The following RIPOR3 variants were observed in gnomAD, a reference collection of about 807,000 sequenced individuals.
RIPOR3 encodes RIPOR family member 3.
RIPOR3 carries 95 observed loss-of-function variants against 114.3 expected under a neutral mutation model. The ratio of observed to expected loss-of-function variants is 0.83; its 90% CI spans 0.70 to 0.99. The LOEUF (loss-of-function observed/expected upper bound fraction) is 0.99. Among genes scored for constraint, RIPOR3 ranks in the 50% least tolerant of loss-of-function variants. RIPOR3 has a pLI of 0.00. For synonymous variants in RIPOR3, 575 were observed against 543.8 expected, an observed-to-expected ratio of 1.06 and a Z score of -0.80; for missense variants, 1,252 against 1,266.9, an observed-to-expected ratio of 0.99 and a Z score of 0.18.
At chr20:50,680,756 T>G (rs996575300) in intron 1 of RIPOR3, among the ~76,000 whole-genome samples, 1 of 152,118 alleles carries the variant, frequency 6.6e-6, no homozygotes, top group African/African-American at 2.4e-5. Context: ...AGCACCTATC[T>G]CCTGCTCCTA....
Position 50,602,227 on chromosome 20 carries a change from C to T in RIPOR3, c.1504G>A (p.Glu502Lys), listed in dbSNP as rs572110299. Residue 502 changes from glutamate (E) to lysine (K), a missense_variant, in exon 13 of 22, where the codon GAG becomes AAG. By Grantham distance (56) the Glu-to-Lys change is moderately conservative. Coordinates refer to ENST00000327979, the MANE Select transcript of RIPOR3 (RefSeq NM_001290268.2). This position sits in a 1 kb window ranked among gnomAD's most constrained non-coding sequence, Gnocchi z 4.3. Reference sequence around the variant, plus strand: ...TCTCTGTCCCCGGTTGCCCCTTCCTCGTGGCCGTTCTGGCTACTCGAGGCT... The same window carrying T: ...TCTCTGTCCCCGGTTGCCCCTTCCTTGTGGCCGTTCTGGCTACTCGAGGCT... ...GTASSSQNGH[E>K]EGATGDREDG... 7.4e-6 allele frequency: 12 copies of T among 1,613,832 alleles called. No homozygotes were observed. Among genetic ancestry groups the T allele is most frequent in the African/African-American group, 1.3e-5 (1 of 75,064 alleles).
chr20:50,670,116 C>T lies in RIPOR3; in HGVS notation c.3+21010G>A, dbSNP rs577613411. 4.1e-5 allele frequency among the ~76,000 whole-genome samples: 6 copies of T among 144,804 alleles called. No homozygotes were observed. In the East Asian group the frequency reaches 1.2e-3, roughly 30 times the overall value. 95.0% of individuals were successfully genotyped at this position (144,804 alleles called of 152,430 possible). On this transcript the variant is annotated intron_variant, in intron 1 of 21. Transcript: ENST00000327979. ...AGGTTGCAGTGAGCTGAGATCGCAC[C>T]ATTGCACTCCAGCCTGGGCAACAAG...
At chr20:50,620,228 A>T in intron 2 of RIPOR3, 96 bp from the exon 3 acceptor site, 2 of 1,484,518 alleles carry the variant, frequency 1.3e-6, no homozygotes, top group East Asian at 4.6e-5. Flanking sequence ...CCAGAGCCAC[A>T]GGGAGTCAGG....
chr20:50,615,457 G>C (rs1252967145), intron 4 of RIPOR3, among the ~76,000 whole-genome samples: 1 of 150,518 alleles, frequency 6.6e-6, no homozygotes, highest in East Asian at 2.0e-4. Flanking sequence ...CCCAGGAGGT[G>C]GAGGTTGCAG....
At chr20:50,600,342 A>C (rs1306917152) in intron 13 of RIPOR3, among the ~76,000 whole-genome samples, 1 of 152,250 alleles carries the variant, frequency 6.6e-6, no homozygotes, top group Admixed American at 6.5e-5. Context: ...AAAGACGTTT[A>C]AAATGATTAC....
rs537738254 is a variant in RIPOR3, at chr20:50,624,905, C to T, written c.123-4773G>A. 4.0e-4 allele frequency among the ~76,000 whole-genome samples: 61 copies of T among 152,266 alleles called. 1 individual carries two copies. Among genetic ancestry groups the T allele is most frequent in the South Asian group, 3.7e-3 (18 of 4,830 alleles). On this transcript the variant is annotated intron_variant, in intron 2 of 21. Coordinates refer to ENST00000327979, the MANE Select transcript of RIPOR3 (RefSeq NM_001290268.2). ...CCTGCACCTGCCCCCAGCCTCCAGGCGGGACAATTATAGGACTGACTGCAC... is the reference window on the plus strand; with the variant it reads ...CCTGCACCTGCCCCCAGCCTCCAGGTGGGACAATTATAGGACTGACTGCAC...
rs1362208299 is a variant in RIPOR3 at position 50,593,083 on chromosome 20, G to A, written c.2326C>T (p.Gln776Ter). 1 of 1,614,000 alleles carries A rather than the reference G, an allele frequency of 6.2e-7. No homozygotes were observed. Among genetic ancestry groups the A allele is most frequent in the Non-Finnish European group, 8.5e-7 (1 of 1,180,058 alleles). The change falls in exon 18 of 22, where the codon CAG becomes TAG. Residue 776 changes from glutamine to a stop codon, truncating the protein, a stop_gained. Coordinates refer to ENST00000327979, the MANE Select transcript of RIPOR3 (RefSeq NM_001290268.2). LOFTEE classifies it high-confidence loss of function. The stretch of plus-strand genomic sequence containing the variant: ...TGCTTCTCCAGGTCAGAGACGCTCT[G>A]CCTCTGCAGGTAGCTGTGAAACTGG... ...WFQFHSYLQR[Q>*]SVSDLEKHFT...
intron 3 of RIPOR3, 144 bp downstream of exon 3, chr20:50,619,842 A>C (rs113156990): frequency 1.5e-5 from 17 of 1,124,372 alleles, no homozygotes; most frequent in African/African-American, 1.1e-4. Flanking sequence ...GCACCCTGAC[A>C]TACTTGCTTA....
rs115741974 is a variant in RIPOR3 at position 50,640,495 on chromosome 20, T to C, written c.4-9639A>G. ...TGAGCTTGGTGAACACACGCACTGGTCAGGCTTAGCTCCATGCGGGGAGGA... is the reference window on the plus strand; with the variant it reads ...TGAGCTTGGTGAACACACGCACTGGCCAGGCTTAGCTCCATGCGGGGAGGA... On this transcript the variant is annotated intron_variant, in intron 1 of 21. Transcript: ENST00000327979. Among the ~76,000 whole-genome samples, 610 of 145,924 alleles carry C rather than the reference T, an allele frequency of 4.2e-3. 1 individual carries two copies. Among genetic ancestry groups the C allele is most frequent in the African/African-American group, 0.015 (576 of 37,642 alleles).
intron 1 of RIPOR3, among the ~76,000 whole-genome samples, chr20:50,666,931 C>T (rs1029405036): frequency 2.0e-4 from 30 of 152,142 alleles, no homozygotes; most frequent in African/African-American, 7.2e-5. Flanking sequence ...AGCTATCTTA[C>T]GGTCTTATGT....
rs369019040 is a variant in RIPOR3, at chr20:50,596,208, T to A, written c.1846A>T (p.Thr616Ser). The part of the protein sequence containing the change: ...SSLKASSREL[T>S]AGAPELDVLL... ...ACGTCCAGCTCTGGGGCACCGGCTGTGAGTTCCCTGGATGACGCTTTCAGT... is the reference window on the plus strand; with the variant it reads ...ACGTCCAGCTCTGGGGCACCGGCTGAGAGTTCCCTGGATGACGCTTTCAGT... The change falls in exon 15 of 22, where the codon ACA becomes TCA. Residue 616 changes from threonine (T) to serine (S), a missense_variant. Transcript: ENST00000327979. 3.5e-5 allele frequency: 56 copies of A among 1,614,022 alleles called. No homozygotes were observed. The highest frequency in any genetic ancestry group is 4.6e-5 in the Non-Finnish European group (54 of 1,180,030).
intron 4 of RIPOR3, among the ~76,000 whole-genome samples, chr20:50,612,605 A>G (rs1004283916): frequency 6.6e-6 from 1 of 152,176 alleles, no homozygotes; most frequent in Admixed American, 6.5e-5. Context: ...ATTGCTAAAC[A>G]CATTTACATG....
At chr20:50,619,864 A>G in intron 3 of RIPOR3, 122 bp downstream of exon 3, 2 of 1,315,430 alleles carry the variant, frequency 1.5e-6, no homozygotes, top group Admixed American at 2.2e-5. Context: ...TAAACGAATG[A>G]CCAGGAACTT....
intron 1 of RIPOR3, among the ~76,000 whole-genome samples, chr20:50,666,489 G>C (rs1484353487): frequency 2.0e-5 from 3 of 151,794 alleles, no homozygotes; most frequent in Non-Finnish European, 2.9e-5. Context: ...CTCTGAAAGT[G>C]CTGGGATTAC....
intron 1 of RIPOR3, among the ~76,000 whole-genome samples, chr20:50,639,975 T>C (rs2085129725): frequency 6.6e-6 from 1 of 151,580 alleles, no homozygotes; most frequent in South Asian, 2.1e-4. Context: ...CACGTCCCTG[T>C]GCTAAAGGCA....
chr20:50,671,405 C>T (rs1021401803), intron 1 of RIPOR3, among the ~76,000 whole-genome samples: 2 of 136,050 alleles, frequency 1.5e-5, no homozygotes, highest in African/African-American at 5.5e-5. Flanking sequence ...CTCACATGAG[C>T]ACGCGCGCGT....
chr20:50,666,224 T>TCTCTTCTCTTCTCTTCTCTTCTC (rs2086229452), intron 1 of RIPOR3, among the ~76,000 whole-genome samples: 1 of 101,838 alleles, frequency 9.8e-6, no homozygotes, highest in African/African-American at 4.3e-5. Context: ...TTTCTTTTCT[T>TCTCTTCTCTTCTCTTCTCTTCTC]TTTTGAGACG....
rs1441431816 is a variant in RIPOR3, at chr20:50,592,892, G to T, written c.2374+143C>A. The T allele has an allele frequency of 6.2e-6, 7 of 1,125,748 alleles. No individual in the cohort carries two copies. The East Asian group carries it at 1.2e-4, about 19-fold the overall frequency. 69.7% of individuals were successfully genotyped at this position (1,125,748 alleles called of 1,614,324 possible). ...TAATATCAGCCCCCATCGGCTGAACGCAGAATCTCATTAAATCGGGGTTCC... is the reference window on the plus strand; with the variant it reads ...TAATATCAGCCCCCATCGGCTGAACTCAGAATCTCATTAAATCGGGGTTCC... On this transcript the variant is annotated intron_variant, in intron 18 of 21. Transcript: ENST00000327979.
chr20:50,632,602 A>G lies in RIPOR3; in HGVS notation c.4-1746T>C, dbSNP rs576832923. Among the ~76,000 whole-genome samples, 45 of 152,356 alleles carry G rather than the reference A, an allele frequency of 3.0e-4. No homozygotes were observed. In the South Asian group the frequency reaches 8.7e-3, roughly 29 times the overall value. On this transcript the variant is annotated intron_variant, in intron 1 of 21. Transcript: ENST00000327979. ...CGAATCCATGAACAGCTATGAACCC[A>G]TGCCCAGCAGTGCTGTGTACAGATG...
Sources: gnomAD v4.1 joint callset for allele counts (sites outside exome capture counted in the v4.1 genomes callset) on GRCh38, gnomAD v4.1.1 for gene constraint, Gnocchi (gnomAD v3.1) non-coding constraint, MANE v1.5 for transcripts, NCBI Gene and HGNC (gene_info 2026-07-23, HGNC 2026-07-21) for gene names.